The following ARHGAP15 variants were observed in gnomAD, a reference collection of about 807,000 sequenced individuals.
ARHGAP15 encodes rho GTPase-activating protein 15.
A neutral mutation model predicts 63.7 loss-of-function variants in ARHGAP15; 51 were observed. That is an observed-to-expected ratio of 0.80 (90% CI 0.64 to 1.01). ARHGAP15 has a LOEUF of 1.01. Ranked by LOEUF, ARHGAP15 falls within the 50% of genes least tolerant of loss-of-function variation. The pLI is 0.00. For synonymous variants in ARHGAP15, 191 were observed against 193.8 expected (o/e 0.99, Z 0.12); for missense variants, 560 against 564.6 (o/e 0.99, Z 0.08).
chr2:143,205,980 T>C (rs62171703), intron 3 of ARHGAP15, among the ~76,000 whole-genome samples: 21,030 of 151,998 alleles, frequency 0.14, 1,551 homozygotes, highest in Middle Eastern at 0.24. Flanking sequence ...AATAGTACTT[T>C]CATTATTTCA....
chr2:143,467,043 A>G (rs773147632), intron 8 of ARHGAP15, among the ~76,000 whole-genome samples: 1 of 152,136 alleles, frequency 6.6e-6, no homozygotes, highest in Non-Finnish European at 1.5e-5. Context: ...GTTTTTCAGC[A>G]TCTCTTCGAA....
At chr2:143,245,892 C>A (rs1694029923) in intron 5 of ARHGAP15, among the ~76,000 whole-genome samples, 1 of 152,116 alleles carries the variant, frequency 6.6e-6, no homozygotes, top group Non-Finnish European at 1.5e-5. Context: ...TCACAGAGGC[C>A]ACTGTCCTGC....
chr2:143,435,239 A>G (rs1558969253), intron 6 of ARHGAP15: 4 of 993,970 alleles, frequency 4.0e-6, no homozygotes, highest in Non-Finnish European at 3.6e-6. Flanking sequence ...GCAAACGTGC[A>G]GAATGAATTC....
intron 1 of ARHGAP15, among the ~76,000 whole-genome samples, chr2:143,138,232 G>C (rs891120050): frequency 6.6e-6 from 1 of 152,004 alleles, no homozygotes; most frequent in Admixed American, 6.6e-5. Flanking sequence ...CAAAAATCAT[G>C]TAAAGGAATT....
At chr2:143,300,363 A>G (rs1269094623) in intron 6 of ARHGAP15, among the ~76,000 whole-genome samples, 1 of 152,032 alleles carries the variant, frequency 6.6e-6, no homozygotes, top group Non-Finnish European at 1.5e-5. Context: ...CATATATGAA[A>G]ACTTAGTAAA....
At chr2:143,720,353 T>C (rs1336663321) in intron 13 of ARHGAP15, among the ~76,000 whole-genome samples, 1 of 152,092 alleles carries the variant, frequency 6.6e-6, no homozygotes, top group Non-Finnish European at 1.5e-5. Flanking sequence ...ACGCCGAGGT[T>C]AACAATCCCT....
chr2:143,659,292 G>A (rs191135455), intron 12 of ARHGAP15, among the ~76,000 whole-genome samples: 16 of 152,142 alleles, frequency 1.1e-4, no homozygotes, highest in Admixed American at 9.2e-4. Context: ...TCTAATATGC[G>A]GCATAGGGGG....
intron 11 of ARHGAP15, among the ~76,000 whole-genome samples, chr2:143,560,475 A>G (rs978271389): frequency 3.3e-5 from 5 of 152,236 alleles, no homozygotes; most frequent in Middle Eastern, 3.2e-3. Flanking sequence ...TAAGTGAAGG[A>G]GCTAAGACTA....
At chr2:143,405,155 A>G (rs1688145241) in intron 6 of ARHGAP15, among the ~76,000 whole-genome samples, 1 of 151,962 alleles carries the variant, frequency 6.6e-6, no homozygotes, top group Non-Finnish European at 1.5e-5. Context: ...CAAATTCTAT[A>G]TCAATTTAAT....
chr2:143,230,232 A>G (rs1693383552), intron 5 of ARHGAP15, among the ~76,000 whole-genome samples: 1 of 152,108 alleles, frequency 6.6e-6, no homozygotes, highest in Non-Finnish European at 1.5e-5. Context: ...CATTGGGAGG[A>G]GAGTTTATGC....
At chr2:143,390,832 G>C (rs973094553) in intron 6 of ARHGAP15, among the ~76,000 whole-genome samples, 1 of 152,040 alleles carries the variant, frequency 6.6e-6, no homozygotes, top group Non-Finnish European at 1.5e-5. Context: ...CTTGTACTCC[G>C]GGGAAAATTT....
chr2:143,198,709 C>A (rs1691987274), intron 2 of ARHGAP15, among the ~76,000 whole-genome samples: 1 of 152,032 alleles, frequency 6.6e-6, no homozygotes, highest in South Asian at 2.1e-4. Flanking sequence ...TCTGTATGCC[C>A]ATAAGAATTT....
intron 10 of ARHGAP15, 79 bp from the exon 11 acceptor site, chr2:143,556,329 C>A: frequency 3.7e-6 from 4 of 1,080,322 alleles, no homozygotes; most frequent in Non-Finnish European, 5.4e-6. Context: ...ATTTGATTTA[C>A]TCCTTCTTTT....
chr2:143,487,440 G>C lies in ARHGAP15; in HGVS notation c.771G>C (p.Lys257Asn), dbSNP rs778028797. 6.2e-7 allele frequency: 1 copy of C among 1,613,776 alleles called. No homozygotes were observed. Among genetic ancestry groups the C allele is most frequent in the Admixed American group, 1.7e-5 (1 of 59,994 alleles). Residue 257 changes from lysine to asparagine, a missense_variant, in exon 9 of 14, where the codon AAG becomes AAC. By Grantham distance (94) the Lys-to-Asn change is moderately conservative (BLOSUM62 0). Transcript: ENST00000295095. ...DKNRVKSRLKKFITRRPSLKT... is the reference protein window; with the variant it reads ...DKNRVKSRLKNFITRRPSLKT... ...ATCGAGTTAAAAGCAGATTAAAGAA[G>C]TTTATTACCCGAAGACCTTCCCTGA...
At chr2:143,440,383 GA>G (rs1689821158) in intron 8 of ARHGAP15, among the ~76,000 whole-genome samples, 1 of 152,098 alleles carries the variant, frequency 6.6e-6, no homozygotes, top group Non-Finnish European at 1.5e-5. Flanking sequence ...TAGAATCAGA[GA>G]CTCAACAGTA....
chr2:143,689,288 C>G (rs1683488125), intron 12 of ARHGAP15, among the ~76,000 whole-genome samples: 1 of 152,140 alleles, frequency 6.6e-6, no homozygotes, highest in Non-Finnish European at 1.5e-5. Flanking sequence ...TCATCTTATT[C>G]TAGTGATCTT....
intron 11 of ARHGAP15, among the ~76,000 whole-genome samples, chr2:143,567,149 A>G (rs924376688): frequency 6.6e-6 from 1 of 152,126 alleles, no homozygotes; most frequent in Non-Finnish European, 1.5e-5. Context: ...TGCTGGCATT[A>G]CAGGGGTGAG....
At chr2:143,284,302 A>T (rs1001734623) in intron 6 of ARHGAP15, among the ~76,000 whole-genome samples, 6 of 152,226 alleles carry the variant, frequency 3.9e-5, no homozygotes, top group Non-Finnish European at 5.9e-5. Flanking sequence ...CCATTTAGAA[A>T]GGCAGGCCTA....
Position 143,642,271 on chromosome 2 carries a change from T to C in ARHGAP15, c.1138+18004T>C, listed in dbSNP as rs1019551851. ...ATATTTGTAGTGATTTTTTTTTATGTATAAGAAGAGGGTGAGTAGATAATG... is the reference window on the plus strand; with the variant it reads ...ATATTTGTAGTGATTTTTTTTTATGCATAAGAAGAGGGTGAGTAGATAATG... On this transcript the variant is annotated intron_variant, in intron 12 of 13. Transcript: ENST00000295095. Among the ~76,000 whole-genome samples the C allele has an allele frequency of 3.9e-5, 6 of 152,152 alleles. No homozygotes were observed. In the South Asian group the frequency reaches 1.2e-3, roughly 32 times the overall value.
Sources: allele counts gnomAD v4.1 joint callset (sites outside exome capture counted in the v4.1 genomes callset), GRCh38; gene constraint gnomAD v4.1.1; transcripts MANE v1.5; gene names NCBI Gene and HGNC (gene_info 2026-07-23, HGNC 2026-07-21).